The following FCRL5 variants were observed in gnomAD, a reference collection of about 807,000 sequenced individuals.
The protein encoded by FCRL5 is Fc receptor-like protein 5.
Under a neutral mutation model 92.1 loss-of-function variants are expected in FCRL5, and 79 were observed. That is an observed-to-expected ratio of 0.86 (90% CI 0.72 to 1.03). The LOEUF (loss-of-function observed/expected upper bound fraction) is 1.03, where lower values mean the gene tolerates loss of function less well. FCRL5 is among the 50% of genes least tolerant of loss of function. The pLI, the probability that FCRL5 is intolerant of heterozygous loss-of-function variation, is 0.00. For synonymous variants in FCRL5, 466 were observed against 469.3 expected, an observed-to-expected ratio of 0.99 and a Z score of 0.09; for missense variants, 1,160 against 1,181.1, an observed-to-expected ratio of 0.98 and a Z score of 0.26.
At chr1:157,533,620 A>C (rs1381144740) in intron 8 of FCRL5, 1 of 152,232 alleles carries the variant, frequency 6.6e-6, no homozygotes, top group Non-Finnish European at 1.5e-5. Context: ...GAAGACCAAG[A>C]TGGATGCAGT....
chr1:157,529,442 C>T (rs1200953538), intron 8 of FCRL5, among the ~76,000 whole-genome samples: 1 of 152,166 alleles, frequency 6.6e-6, no homozygotes, highest in Admixed American at 6.5e-5. Context: ...AATCCCACTA[C>T]TGGGTATCTA....
In FCRL5 at chr1:157,521,052, G is replaced by A; in HGVS notation, c.2480C>T (p.Ala827Val). Reference protein sequence around the residue: ...YSCEADNGLGAQRSETVTLYI... With the variant: ...YSCEADNGLGVQRSETVTLYI... ...AAGTGTCACTGTCTCACTGCGCTGGGCCCCGAGGCCATTGTCGGCCTCACA... is the reference window on the plus strand; with the variant it reads ...AAGTGTCACTGTCTCACTGCGCTGGACCCCGAGGCCATTGTCGGCCTCACA... The change falls in exon 11 of 17, where the codon GCC (alanine) becomes GTC (valine). Residue 827 changes from alanine to valine, a missense_variant. By Grantham distance (64) the Ala-to-Val change is moderately conservative. Transcript: ENST00000361835. The A allele has an allele frequency of 6.2e-7, 1 of 1,613,726 alleles. No individual in the cohort carries two copies. The highest frequency in any genetic ancestry group is 8.5e-7 in the Non-Finnish European group (1 of 1,179,834).
rs1369420246 is a variant in FCRL5, at chr1:157,534,627, G to C, written c.1668C>G (p.Ser556Arg). 2 of 1,614,152 alleles carry C rather than the reference G, an allele frequency of 1.2e-6. No individual in the cohort carries two copies. Among genetic ancestry groups the C allele is most frequent in the Non-Finnish European group, 8.5e-7 (1 of 1,180,012 alleles). Residue 556 changes from serine to arginine, a missense_variant, in exon 8 of 17, where the codon AGC becomes AGG. Physicochemically the swap from Ser to Arg is moderately radical, Grantham distance 110 (BLOSUM62 -1). Transcript: ENST00000361835. ...CCCAGCACTTACCAGTGACAAAAAGGCTCACCACTTCACTGCGCTGGGGAC... is the reference window on the plus strand; with the variant it reads ...CCCAGCACTTACCAGTGACAAAAAGCCTCACCACTTCACTGCGCTGGGGAC... ...GFGPQRSEVVSLFVTVPVSRP... is the reference protein window; with the variant it reads ...GFGPQRSEVVRLFVTVPVSRP...
chr1:157,519,630 C>T lies in FCRL5; in HGVS notation c.2660+113G>A, dbSNP rs1650085978. ...CGTACAACAGGTAGTGGCCACACCC[C>T]AGCTCAGCAGCACCTGGCAGAAACT... On this transcript the variant is annotated intron_variant, in intron 13 of 16. Transcript: ENST00000361835. 2.5e-6 allele frequency: 3 copies of T among 1,209,354 alleles called. No individual in the cohort carries two copies. The Middle Eastern group carries it at 7.0e-4, about 282-fold the overall frequency. 74.9% of individuals were successfully genotyped at this position (1,209,354 alleles called of 1,614,324 possible).
chr1:157,517,530 G>T (rs1312191881), intron 15 of FCRL5, among the ~76,000 whole-genome samples: 1 of 152,102 alleles, frequency 6.6e-6, no homozygotes, highest in Non-Finnish European at 1.5e-5. Flanking sequence ...TCAGAAGGAG[G>T]CCTGTCTATG....
intron 1 of FCRL5, among the ~76,000 whole-genome samples, chr1:157,550,886 A>G (rs1651779882): frequency 6.6e-6 from 1 of 152,204 alleles, no homozygotes; most frequent in Non-Finnish European, 1.5e-5. Context: ...GATTTTTGGA[A>G]TGCCAATCAT....
chr1:157,531,946 C>T (rs1316818292), intron 8 of FCRL5: 2 of 151,896 alleles, frequency 1.3e-5, no homozygotes, highest in African/African-American at 4.8e-5. Flanking sequence ...TAATATATTA[C>T]AAAAAAGCTA....
chr1:157,533,116 G>A (rs1019572458), intron 8 of FCRL5: 1 of 151,862 alleles, frequency 6.6e-6, no homozygotes, highest in Non-Finnish European at 1.5e-5. Context: ...CATAATCATA[G>A]GCACATATAT....
intron 15 of FCRL5, 56 bp from the exon 16 acceptor site, chr1:157,515,929 G>C: frequency 6.2e-7 from 1 of 1,603,644 alleles, no homozygotes; most frequent in Non-Finnish European, 8.5e-7. Flanking sequence ...CTCTTCCCTT[G>C]TGCCTGCGCT....
Position 157,544,982 on chromosome 1 carries a change from G to C in FCRL5, c.408C>G (p.Tyr136Ter). ...KAEVTLNNTI[Y>*]KNDNVLAFLN... is the part of the protein sequence containing the mutation. ...GGAATGCCAGGACATTATCATTCTTGTAAATAGTATTATTCAGTGTTACTT... is the reference window on the plus strand; with the variant it reads ...GGAATGCCAGGACATTATCATTCTTCTAAATAGTATTATTCAGTGTTACTT... The change falls in exon 4 of 17, where the codon TAC becomes TAG. Residue 136 changes from tyrosine to a stop codon, truncating the protein, a stop_gained. Coordinates refer to ENST00000361835, the MANE Select transcript of FCRL5 (RefSeq NM_031281.3). LOFTEE classifies it high-confidence loss of function. 1 of 1,614,138 alleles carries C rather than the reference G, an allele frequency of 6.2e-7. No individual in the cohort carries two copies. The highest frequency in any genetic ancestry group is 8.5e-7 in the Non-Finnish European group (1 of 1,180,010).
chr1:157,516,996 A>G (rs1357464541), intron 15 of FCRL5, among the ~76,000 whole-genome samples: 2 of 152,218 alleles, frequency 1.3e-5, no homozygotes, highest in African/African-American at 4.8e-5. Flanking sequence ...CACAAACACA[A>G]TTCACTTGAC....
chr1:157,532,048 C>A (rs1650719273), intron 8 of FCRL5: 7 of 151,960 alleles, frequency 4.6e-5, no homozygotes, highest in Admixed American at 4.6e-4. Flanking sequence ...TCGTTATATA[C>A]CATGTATGTA....
Position 157,547,195 on chromosome 1 carries a change from T to C in FCRL5, c.55A>G (p.Arg19Gly). The change falls in exon 3 of 17, where the codon AGG becomes GGG. Residue 19 changes from arginine to glycine, a missense_variant and splice_region_variant. By Grantham distance (125) the Arg-to-Gly change is moderately radical. Coordinates refer to ENST00000361835, the MANE Select transcript of FCRL5 (RefSeq NM_031281.3). ...AGGAAAATAATGGGCCTGGGTGTCC[T>C]TGCTGAAGAGGAAAGAGAAAAGGAG... ...VLAPVSGQFA[R>G]TPRPIIFLQP... 6.2e-7 allele frequency: 1 copy of C among 1,613,608 alleles called. No homozygotes were observed. The highest frequency in any genetic ancestry group is 1.3e-5 in the African/African-American group (1 of 74,998).
intron 3 of FCRL5, among the ~76,000 whole-genome samples, chr1:157,546,543 T>A (rs1370130245): frequency 1.3e-5 from 2 of 151,256 alleles, no homozygotes; most frequent in Non-Finnish European, 2.9e-5. Context: ...AATAAATTAA[T>A]CCTCAGACTT....
intron 1 of FCRL5, among the ~76,000 whole-genome samples, chr1:157,551,833 T>A (rs1237263278): frequency 1.3e-5 from 2 of 152,190 alleles, no homozygotes; most frequent in African/African-American, 4.8e-5. Flanking sequence ...TGCGACCTCC[T>A]CCACCCCATG....
rs201604067 is a variant in FCRL5 at position 157,542,912 on chromosome 1, G to A, written c.1070C>T (p.Ala357Val). ...GGGCTTGGCGCCAAGGCCATTGTCA[G>A]CTGTGCAGTAGTAGTTCCCTGAATT... ...TENSGNYYCT[A>V]DNGLGAKPSK... Residue 357 changes from alanine to valine, a missense_variant, in exon 6 of 17, where the codon GCT becomes GTT. Ala to Val is a moderately conservative substitution (Grantham distance 64). Coordinates refer to ENST00000361835, the MANE Select transcript of FCRL5 (RefSeq NM_031281.3). 230 of 1,614,086 alleles carry A rather than the reference G, an allele frequency of 1.4e-4. No individual in the cohort carries two copies. The highest frequency in any genetic ancestry group is 1.8e-4 in the Non-Finnish European group (207 of 1,180,032).
chr1:157,551,786 G>A (rs1158019699), intron 1 of FCRL5, among the ~76,000 whole-genome samples: 1 of 152,238 alleles, frequency 6.6e-6, no homozygotes, highest in Non-Finnish European at 1.5e-5. Context: ...AAAGTCATAT[G>A]CTTTAGATTT....
chr1:157,524,040 T>G, intron 10 of FCRL5: 1 of 496,222 alleles, frequency 2.0e-6, no homozygotes, highest in Non-Finnish European at 3.6e-6. Context: ...AAAGTCTTAT[T>G]TGCATTTTTA....
At chr1:157,527,399 G>A (rs555424934) in intron 9 of FCRL5, among the ~76,000 whole-genome samples, 20 of 152,184 alleles carry the variant, frequency 1.3e-4, no homozygotes, top group Non-Finnish European at 2.4e-4. Context: ...CGTGATGGCT[G>A]GACTGCTGCT....
Sources: gnomAD v4.1 joint callset for allele counts (sites outside exome capture counted in the v4.1 genomes callset) on GRCh38, gnomAD v4.1.1 for gene constraint, MANE v1.5 for transcripts, NCBI Gene and HGNC (gene_info 2026-07-23, HGNC 2026-07-21) for gene names.